Variants in ABCA10 observed in about 807,000 individuals in gnomAD.
ABCA10 encodes the protein ATP-binding cassette sub-family A member 10.
A neutral mutation model predicts 187.5 loss-of-function variants in ABCA10; 169 were observed. The observed-to-expected ratio is 0.90, with a 90% CI of 0.80 to 1.02. ABCA10 has a LOEUF of 1.02. ABCA10 is among the 50% of genes least tolerant of loss of function. The pLI, the probability that ABCA10 is intolerant of heterozygous loss-of-function variation, is 0.00. For missense variants in ABCA10, 1,727 were observed against 1,812.4 expected, an observed-to-expected ratio of 0.95 and a Z score of 0.86; for synonymous variants, 574 against 601.8, an observed-to-expected ratio of 0.95 and a Z score of 0.68.
intron 5 of ABCA10, 103 bp from the exon 6 acceptor site, chr17:69,219,874 C>T (rs1055808509): frequency 2.5e-6 from 2 of 805,628 alleles, no homozygotes; most frequent in Non-Finnish European, 3.8e-6. Flanking sequence ...ATATTCTCAT[C>T]ATTTTAAAGT....
At chr17:69,158,747 GGAT>G (rs1223636246) in intron 27 of ABCA10, among the ~76,000 whole-genome samples, 5 of 151,878 alleles carry the variant, frequency 3.3e-5, no homozygotes, top group Non-Finnish European at 7.4e-5. Context: ...TGAAAAATTA[GGAT>G]GATAGGACAT....
intron 7 of ABCA10, 73 bp from the exon 8 acceptor site, chr17:69,216,073 TCA>T: frequency 6.4e-7 from 1 of 1,560,970 alleles, no homozygotes; most frequent in Non-Finnish European, 8.6e-7. Context: ...CATCGATTTC[TCA>T]CATTGTCAAA....
At chr17:69,185,343 CA>C (rs1487112425) in intron 20 of ABCA10, 133 bp downstream of exon 20, 2 of 781,442 alleles carry the variant, frequency 2.6e-6, no homozygotes, top group East Asian at 5.9e-5. Context: ...AAAATTAACC[CA>C]TCAGTTTCCT....
intron 25 of ABCA10, among the ~76,000 whole-genome samples, chr17:69,173,930 C>T (rs1416884701): frequency 1.3e-5 from 2 of 151,940 alleles, no homozygotes; most frequent in Admixed American, 1.3e-4. Context: ...GAGAGGCCTG[C>T]GTTTAAGTCT....
intron 20 of ABCA10, among the ~76,000 whole-genome samples, 188 bp downstream of exon 20, chr17:69,185,289 C>T (rs2074412552): frequency 6.6e-6 from 1 of 151,968 alleles, no homozygotes; most frequent in Non-Finnish European, 1.5e-5. Context: ...TTTCCACAAA[C>T]CTATTGAAAT....
At chr17:69,185,749 T>C (rs1036412633) in intron 19 of ABCA10, 106 bp from the exon 20 acceptor site, 16 of 845,808 alleles carry the variant, frequency 1.9e-5, no homozygotes, top group Non-Finnish European at 2.5e-5. Flanking sequence ...CACATGCATA[T>C]GTGGTGTTTA....
chr17:69,215,675 G>T, intron 8 of ABCA10, 140 bp downstream of exon 8: 1 of 814,074 alleles, frequency 1.2e-6, no homozygotes. Context: ...CTTTTTTGTT[G>T]TTCTTATTTA....
At chr17:69,163,529 A>C (rs1170621900) in intron 27 of ABCA10, among the ~76,000 whole-genome samples, 1 of 152,230 alleles carries the variant, frequency 6.6e-6, no homozygotes, top group African/African-American at 2.4e-5. Context: ...AAAAATGTAT[A>C]AAAGTTTATA....
intron 8 of ABCA10, among the ~76,000 whole-genome samples, chr17:69,215,243 A>G (rs1196579249): frequency 1.3e-5 from 2 of 152,236 alleles, no homozygotes; most frequent in Non-Finnish European, 2.9e-5. Context: ...GAAACATTCA[A>G]TTATTAAATA....
At chr17:69,163,201 T>C (rs946395800) in intron 27 of ABCA10, among the ~76,000 whole-genome samples, 2 of 152,168 alleles carry the variant, frequency 1.3e-5, no homozygotes, top group African/African-American at 4.8e-5. Context: ...TGGAGTCCCA[T>C]CTTGTCTAAT....
chr17:69,171,075 T>A (rs1357619837), intron 25 of ABCA10, among the ~76,000 whole-genome samples: 4 of 152,134 alleles, frequency 2.6e-5, no homozygotes, highest in African/African-American at 9.7e-5. Flanking sequence ...GATGAAAACA[T>A]CCCTAATACA....
chr17:69,218,000 A>G (rs1166004689), intron 6 of ABCA10, among the ~76,000 whole-genome samples: 1 of 152,184 alleles, frequency 6.6e-6, no homozygotes, highest in Non-Finnish European at 1.5e-5. Context: ...ATGGTTTTAT[A>G]TCAGGGAAGA....
In ABCA10 at chr17:69,193,180, CAGG is replaced by C; in HGVS notation, c.1707_1709del (p.Leu570del). 6.2e-7 allele frequency: 1 copy of C among 1,614,146 alleles called. No individual in the cohort carries two copies. Among genetic ancestry groups the C allele is most frequent in the South Asian group, 1.1e-5 (1 of 91,066 alleles). Reference sequence around the variant, plus strand: ...TAAGTCGGTCTACTTTATGCTCCTTCAGGAGGCTCCACACTCGGTGTCTTGAAA... The same window carrying C: ...TAAGTCGGTCTACTTTATGCTCCTTCAGGCTCCACACTCGGTGTCTTGAAA... On this transcript the variant is annotated inframe_deletion, in exon 15 of 39. Transcript: ENST00000690296.
chr17:69,151,737 A>G (rs1423446235), intron 36 of ABCA10, among the ~76,000 whole-genome samples: 1 of 152,196 alleles, frequency 6.6e-6, no homozygotes, highest in East Asian at 1.9e-4. Context: ...TCTATTTTTT[A>G]AAAATCATTA....
chr17:69,215,982 T>A lies in ABCA10; in HGVS notation c.691A>T (p.Met231Leu), dbSNP rs148511872. The change falls in exon 8 of 39, where the codon ATG (methionine) becomes TTG (leucine). Residue 231 changes from methionine to leucine, a missense_variant. Coordinates refer to ENST00000690296, the MANE Select transcript of ABCA10 (RefSeq NM_001377321.1). ...GLSLIALAFLMSVLIRKPMLA... is the reference protein window; with the variant it reads ...GLSLIALAFLLSVLIRKPMLA... ...ATAGGTTTCCTTATTAAAACACTCA[T>A]GAGGAAAGCCAATGCTATCTGAAGG... 3.2e-5 allele frequency: 52 copies of A among 1,612,488 alleles called. No individual in the cohort carries two copies. Among genetic ancestry groups the A allele is most frequent in the Non-Finnish European group, 4.4e-5 (52 of 1,179,610 alleles).
chr17:69,199,249 T>C (rs1422635847), intron 10 of ABCA10, among the ~76,000 whole-genome samples: 2 of 106,008 alleles, frequency 1.9e-5, no homozygotes, highest in Non-Finnish European at 3.9e-5. Flanking sequence ...TTTAATTCTC[T>C]GTGTTCAGCT....
rs1048743676 is a variant in ABCA10 at position 69,240,596 on chromosome 17, G to C, written c.-593+3933C>G. On this transcript the variant is annotated intron_variant, in intron 1 of 39. Coordinates refer to the ABCA10 transcript ENST00000269081. ...TGAAATGCAATTTCTTTAGTAAATA[G>C]TACCATGTGGTGAGATTTTGGTGGT... Among the ~76,000 whole-genome samples the C allele has an allele frequency of 3.9e-5, 6 of 152,242 alleles. No individual in the cohort carries two copies. In the East Asian group the frequency reaches 1.2e-3, roughly 29 times the overall value.
At chr17:69,158,695 T>C (rs1598087475) in intron 27 of ABCA10, among the ~76,000 whole-genome samples, 1 of 152,106 alleles carries the variant, frequency 6.6e-6, no homozygotes, top group East Asian at 1.9e-4. Context: ...GACTGCATTC[T>C]AATTTTCATC....
intron 9 of ABCA10, among the ~76,000 whole-genome samples, chr17:69,211,338 T>TCTTATATATACATC (rs1355200807): frequency 1.8e-5 from 2 of 114,144 alleles, no homozygotes; most frequent in Non-Finnish European, 3.4e-5. Flanking sequence ...TATATATATA[T>TCTTATATATACATC]ATATATATAT....
Sources: allele counts gnomAD v4.1 joint callset (sites outside exome capture counted in the v4.1 genomes callset), GRCh38; gene constraint gnomAD v4.1.1; transcripts MANE v1.5; gene names NCBI Gene and HGNC (gene_info 2026-07-23, HGNC 2026-07-21).